Variants in RNF2 observed in about 807,000 individuals in gnomAD.
RNF2 encodes the protein E3 ubiquitin-protein ligase RING2.
A neutral mutation model predicts 37.2 loss-of-function variants in RNF2; 6 were observed. The observed-to-expected ratio is 0.16, with a 90% CI of 0.09 to 0.32. RNF2 has a LOEUF of 0.32. Ranked by LOEUF, RNF2 falls within the 10% of genes least tolerant of loss-of-function variation. The probability of loss-of-function intolerance (pLI) is 1.00; values close to 1 mark genes in which losing one functional copy is unlikely to be tolerated. For missense variants in RNF2, 251 were observed against 404.0 expected, an observed-to-expected ratio of 0.62 and a Z score of 3.25; for synonymous variants, 133 against 132.7, an observed-to-expected ratio of 1.00 and a Z score of -0.02.
intron 1 of RNF2, among the ~76,000 whole-genome samples, chr1:185,061,713 G>A (rs1424201504): frequency 6.6e-6 from 1 of 152,172 alleles, no homozygotes. Context: ...GGAAACAACT[G>A]GTTGCTGGCT....
intron 1 of RNF2, among the ~76,000 whole-genome samples, chr1:185,075,696 C>G (rs762741830): frequency 1.3e-5 from 2 of 152,266 alleles, no homozygotes; most frequent in East Asian, 1.9e-4. Context: ...CTAGACACTT[C>G]TAAACAATCA....
chr1:185,047,488 C>CTCTAATCTGATTTAT (rs1273516295), intron 1 of RNF2, among the ~76,000 whole-genome samples: 3 of 152,174 alleles, frequency 2.0e-5, no homozygotes, highest in African/African-American at 7.2e-5. Context: ...ACGTCTGTGT[C>CTCTAATCTGATTTAT]TCTAATCTGA....
chr1:185,099,363 A>G (rs1488976443), intron 5 of RNF2, among the ~76,000 whole-genome samples: 3 of 152,194 alleles, frequency 2.0e-5, no homozygotes, highest in Admixed American at 1.3e-4. Context: ...GAACATTTCT[A>G]TGGTTAGTCT....
chr1:185,079,771 G>T (rs572540984), intron 1 of RNF2, among the ~76,000 whole-genome samples: 5 of 152,026 alleles, frequency 3.3e-5, no homozygotes, highest in Admixed American at 6.6e-5. Flanking sequence ...TCTACTAAAA[G>T]TACAAAAATT....
intron 1 of RNF2, among the ~76,000 whole-genome samples, chr1:185,079,550 T>A (rs1185733594): frequency 6.6e-6 from 1 of 152,238 alleles, no homozygotes; most frequent in African/African-American, 2.4e-5. Context: ...TTTTTCTGCT[T>A]TTAAAGCCAA....
chr1:185,047,809 C>G (rs899280001), intron 1 of RNF2, among the ~76,000 whole-genome samples: 1 of 152,120 alleles, frequency 6.6e-6, no homozygotes, highest in African/African-American at 2.4e-5. Context: ...ACTCTGCGCA[C>G]GTACACATCT....
At chr1:185,063,803 CT>C (rs1162822615) in intron 1 of RNF2, among the ~76,000 whole-genome samples, 1 of 152,164 alleles carries the variant, frequency 6.6e-6, no homozygotes, top group African/African-American at 2.4e-5. Context: ...CTTCTTCCAT[CT>C]TCAGGCCAGC....
chr1:185,050,622 C>G (rs1476225825), intron 1 of RNF2, among the ~76,000 whole-genome samples: 2 of 152,282 alleles, frequency 1.3e-5, no homozygotes, highest in Non-Finnish European at 2.9e-5. Context: ...AAATATTGAT[C>G]ATTACCTTTT....
intron 4 of RNF2, among the ~76,000 whole-genome samples, chr1:185,093,526 G>C (rs1557974292): frequency 6.6e-6 from 1 of 152,110 alleles, no homozygotes; most frequent in African/African-American, 2.4e-5. Context: ...CCTTGAAAGA[G>C]TTGTAACTCC....
At chr1:185,061,455 A>G (rs1290171766) in intron 1 of RNF2, among the ~76,000 whole-genome samples, 2 of 152,122 alleles carry the variant, frequency 1.3e-5, no homozygotes, top group African/African-American at 4.8e-5. Context: ...ACAAGATCAC[A>G]AAACCCCGAA....
intron 1 of RNF2, among the ~76,000 whole-genome samples, chr1:185,051,500 A>G (rs1322696692): frequency 6.6e-6 from 1 of 152,252 alleles, no homozygotes; most frequent in Non-Finnish European, 1.5e-5. Context: ...TGTAAAGAGT[A>G]AAGCACATGG....
At position 185,101,779 on chromosome 1, in the gene RNF2, A is replaced by G. The variant is rs886388618; in HGVS notation, c.*1478A>G. On this transcript the variant is annotated 3_prime_UTR_variant, in exon 7 of 7. Coordinates refer to ENST00000367510, the MANE Select transcript of RNF2 (RefSeq NM_007212.4). ...GCCCGGTATGAAAACTTAAAGGTAT[A>G]TATTCAATTTTTTACCATTTTATGG... 1.4e-5 allele frequency: 2 copies of G among 145,212 alleles called. No homozygotes were observed. The highest frequency in any genetic ancestry group is 6.9e-5 in the Admixed American group (1 of 14,432). The allele number at this position is 145,212 out of a possible 1,614,324, so 9.0% of individuals were successfully genotyped here. A position where few individuals can be genotyped will look rare whatever the true frequency, so the allele number is the denominator to read the frequency against.
At chr1:185,054,406 C>G (rs1354816905) in intron 1 of RNF2, among the ~76,000 whole-genome samples, 2 of 152,212 alleles carry the variant, frequency 1.3e-5, no homozygotes, top group African/African-American at 4.8e-5. Flanking sequence ...AGGCTGGACA[C>G]TGTGCTCTGT....
At chr1:185,071,241 T>G (rs1282847168) in intron 1 of RNF2, among the ~76,000 whole-genome samples, 1 of 152,216 alleles carries the variant, frequency 6.6e-6, no homozygotes, top group Middle Eastern at 3.2e-3. Context: ...CTGGTTTTTA[T>G]CCTTGTCTTC....
chr1:185,081,395 AT>A (rs11334881), intron 1 of RNF2, among the ~76,000 whole-genome samples: 72,234 of 145,102 alleles, frequency 0.5, 18,884 homozygotes, highest in East Asian at 0.66. Flanking sequence ...AATTCCATCA[AT>A]TTTTTTTTTT....
chr1:185,100,400 G>T lies in RNF2; in HGVS notation c.*99G>T. On this transcript the variant is annotated 3_prime_UTR_variant, in exon 7 of 7. Transcript: ENST00000367510. ...ACTTTTATGGACAGATCTTGGATAT[G>T]TTGTTCAATTTTCTTTCTGAGCCAG... 1.5e-6 allele frequency: 1 copy of T among 676,136 alleles called. No individual in the cohort carries two copies. The highest frequency in any genetic ancestry group is 2.4e-6 in the Non-Finnish European group (1 of 417,710). 41.9% of individuals were successfully genotyped at this position (676,136 alleles called of 1,614,324 possible).
rs1650529499 is a variant in RNF2, at chr1:185,059,240, A to AG, written c.-3+13591_-3+13592insG. On this transcript the variant is annotated intron_variant, in intron 1 of 6. Transcript: ENST00000367510. ...TCCCAGTCTGGATTAAAAAAAAAAAACCTCCGTAATAGTTTTTCTTTTTCT... is the reference window on the plus strand; with the variant it reads ...TCCCAGTCTGGATTAAAAAAAAAAAAGCCTCCGTAATAGTTTTTCTTTTTCT... Among the ~76,000 whole-genome samples, 3 of 150,024 alleles carry AG rather than the reference A, an allele frequency of 2.0e-5. No individual in the cohort carries two copies. The South Asian group carries it at 6.3e-4, about 32-fold the overall frequency.
chr1:185,085,150 T>C lies in RNF2; in HGVS notation c.-2-2402T>C, dbSNP rs576169698. On this transcript the variant is annotated intron_variant, in intron 1 of 6. Transcript: ENST00000367510. ...TTTGACCCTTCTTTCTTTTTCTTTT[T>C]TTTTTTTTTTTTTTTTGAGACAAAG... 2.0e-3 allele frequency among the ~76,000 whole-genome samples: 277 copies of C among 142,036 alleles called. 1 individual carries two copies. The highest frequency in any genetic ancestry group is 4.0e-3 in the Admixed American group (58 of 14,380). The allele number at this position is 142,036 out of a possible 152,430, so 93.2% of individuals were successfully genotyped here.
At chr1:185,050,014 T>A (rs1260018789) in intron 1 of RNF2, among the ~76,000 whole-genome samples, 1 of 152,168 alleles carries the variant, frequency 6.6e-6, no homozygotes, top group Non-Finnish European at 1.5e-5. Flanking sequence ...TGAAATATAG[T>A]TGCAGTCTCA....
Sources: gnomAD v4.1 joint callset for allele counts (sites outside exome capture counted in the v4.1 genomes callset) on GRCh38, gnomAD v4.1.1 for gene constraint, MANE v1.5 for transcripts, NCBI Gene and HGNC (gene_info 2026-07-23, HGNC 2026-07-21) for gene names.